The following CNNM2 variants were observed in gnomAD, a reference collection of about 807,000 sequenced individuals.
CNNM2 encodes the protein cyclin and CBS domain divalent metal cation transport mediator 2, also known as metal transporter CNNM2.
Under a neutral mutation model 66.9 loss-of-function variants are expected in CNNM2, and 12 were observed. That is an observed-to-expected ratio of 0.18 (90% confidence interval 0.11 to 0.29). The LOEUF is 0.29. CNNM2 is among the 10% of genes least tolerant of loss of function. CNNM2 has a pLI of 1.00. For synonymous variants in CNNM2, 557 were observed against 501.8 expected, an observed-to-expected ratio of 1.11 and a Z score of -1.47; for missense variants, 705 against 1,167.7, an observed-to-expected ratio of 0.60 and a Z score of 5.77.
intron 1 of CNNM2, among the ~76,000 whole-genome samples, chr10:103,018,831 G>C (rs927948776): frequency 6.7e-6 from 1 of 150,258 alleles, no homozygotes; most frequent in Admixed American, 6.7e-5. Context: ...CCTAATTTTT[G>C]TATTTTTAGT....
Position 103,089,608 on chromosome 10 carries a change from C to T in CNNM2, c.*12428C>T, listed in dbSNP as rs936984586. ...CCGAGTAGAACCCTAACAGGGACCT[C>T]GTTTGTTCCTGTGAGTCCTGCCAGG... On this transcript the variant is annotated 3_prime_UTR_variant, in exon 8 of 8. Coordinates refer to ENST00000369878, the MANE Select transcript of CNNM2 (RefSeq NM_017649.5). 4.0e-6 allele frequency: 6 copies of T among 1,493,834 alleles called. No individual in the cohort carries two copies. Among genetic ancestry groups the T allele is most frequent in the African/African-American group, 2.8e-5 (2 of 71,336 alleles). The allele number at this position is 1,493,834 out of a possible 1,614,324, so 92.5% of individuals were successfully genotyped here. A position where few individuals can be genotyped will look rare whatever the true frequency, so the allele number is the denominator to read the frequency against.
chr10:103,080,279 G>C lies in CNNM2; in HGVS notation c.*3099G>C, dbSNP rs1456626016. ...CGGTTCCTCTGAAACTAAATCCCTA[G>C]CATCCAGATAGTCCTGGGACACTCT... On this transcript the variant is annotated 3_prime_UTR_variant, in exon 8 of 8. Coordinates refer to ENST00000369878, the MANE Select transcript of CNNM2 (RefSeq NM_017649.5). The C allele has an allele frequency of 6.6e-6, 1 of 152,170 alleles. No individual in the cohort carries two copies. Among genetic ancestry groups the C allele is most frequent in the African/African-American group, 2.4e-5 (1 of 41,430 alleles). 9.4% of individuals were successfully genotyped at this position (152,170 alleles called of 1,614,324 possible).
chr10:102,983,090 A>T (rs1056276887), intron 1 of CNNM2, among the ~76,000 whole-genome samples: 1 of 151,936 alleles, frequency 6.6e-6, no homozygotes, highest in Non-Finnish European at 1.5e-5. Context: ...TTCAACTTTG[A>T]TATTGATTTT....
rs532702273 is a variant in CNNM2, at chr10:103,082,714, C to CA, written c.*5535dup. ...GCTTTTATGTTGGCCCTAGCATCCC[C>CA]AGCCCCTTTAGTTGGGCCCACCTGT... On this transcript the variant is annotated 3_prime_UTR_variant, in exon 8 of 8. Transcript: ENST00000369878. The CA allele has an allele frequency of 3.9e-5, 6 of 152,332 alleles. No homozygotes were observed. The South Asian group carries it at 1.2e-3, about 32-fold the overall frequency. 9.4% of individuals were successfully genotyped at this position (152,332 alleles called of 1,614,324 possible).
intron 1 of CNNM2, among the ~76,000 whole-genome samples, chr10:102,979,776 T>C (rs1043981288): frequency 1.4e-4 from 15 of 108,198 alleles, no homozygotes; most frequent in African/African-American, 6.3e-4. Flanking sequence ...GGTTAAAAAT[T>C]GATAAAAATT....
chr10:103,073,170 C>G (rs922811602), intron 6 of CNNM2, among the ~76,000 whole-genome samples: 2 of 152,186 alleles, frequency 1.3e-5, no homozygotes, highest in Non-Finnish European at 2.9e-5. Context: ...GGCCAGGCAT[C>G]AGGCTCTTGG....
chr10:103,051,047 A>G (rs2065204693), intron 2 of CNNM2, among the ~76,000 whole-genome samples: 1 of 152,160 alleles, frequency 6.6e-6, no homozygotes, highest in South Asian at 2.1e-4. Flanking sequence ...GTTTTAAAGC[A>G]TGGCTTGGCG....
Position 103,086,432 on chromosome 10 carries a change from T to TTCC in CNNM2, c.*9254_*9256dup, listed in dbSNP as rs1419313665. On this transcript the variant is annotated 3_prime_UTR_variant, in exon 8 of 8. Transcript: ENST00000369878. ...TCCATAACATGGAATGTGGGTAAGG[T>TTCC]TCCTACCCTAATACAGACTTAAATA... The TTCC allele has an allele frequency of 6.7e-6, 1 of 149,356 alleles. No homozygotes were observed. The highest frequency in any genetic ancestry group is 2.0e-4 in the East Asian group (1 of 5,016). The allele number at this position is 149,356 out of a possible 1,614,324, so 9.3% of individuals were successfully genotyped here. A position where few individuals can be genotyped will look rare whatever the true frequency, so the allele number is the denominator to read the frequency against.
intron 1 of CNNM2, among the ~76,000 whole-genome samples, chr10:103,031,651 G>C (rs1165583249): frequency 6.6e-6 from 1 of 152,180 alleles, no homozygotes; most frequent in Non-Finnish European, 1.5e-5. Context: ...CTTGCATGCA[G>C]GGAAGTTTAT....
In CNNM2 at chr10:103,020,043, T is replaced by A. The variant is rs962062777; in HGVS notation, c.1622-29664T>A. ...ATGTGTTACTCGTGTGGTTTTTTTCTTAAGTTATTAGTATGTCAGTGAGTT... is the reference window on the plus strand; with the variant it reads ...ATGTGTTACTCGTGTGGTTTTTTTCATAAGTTATTAGTATGTCAGTGAGTT... On this transcript the variant is annotated intron_variant, in intron 1 of 7. Transcript: ENST00000369878. Among the ~76,000 whole-genome samples, 5 of 152,228 alleles carry A rather than the reference T, an allele frequency of 3.3e-5. No individual in the cohort carries two copies. The East Asian group carries it at 5.8e-4, about 18-fold the overall frequency.
chr10:102,958,999 G>A (rs1323844794), intron 1 of CNNM2, among the ~76,000 whole-genome samples: 3 of 152,088 alleles, frequency 2.0e-5, no homozygotes, highest in Non-Finnish European at 4.4e-5. Context: ...CCAGGCTGGA[G>A]TTAAGTGGCA....
chr10:102,963,175 A>G (rs1416180764), intron 1 of CNNM2, among the ~76,000 whole-genome samples: 3 of 152,210 alleles, frequency 2.0e-5, no homozygotes, highest in Non-Finnish European at 4.4e-5. Flanking sequence ...GCAGTACTTA[A>G]TAAGTGATAT....
Position 102,999,653 on chromosome 10 carries a change from C to G in CNNM2, c.1622-50054C>G, listed in dbSNP as rs537961136. Among the ~76,000 whole-genome samples, 4 of 152,202 alleles carry G rather than the reference C, an allele frequency of 2.6e-5. No homozygotes were observed. The South Asian group carries it at 8.3e-4, about 32-fold the overall frequency. ...TATCAAAATCCAGGCTGCCCTTCCC[C>G]CCCCACCTCTCCGCACCAGAGGTTG... On this transcript the variant is annotated intron_variant, in intron 1 of 7. Coordinates refer to ENST00000369878, the MANE Select transcript of CNNM2 (RefSeq NM_017649.5).
At position 103,077,817 on chromosome 10, in the gene CNNM2, G is replaced by GTA. The variant is rs1214154705; in HGVS notation, c.*639_*640dup. 6.5e-6 allele frequency: 1 copy of GTA among 152,704 alleles called. No individual in the cohort carries two copies. Among genetic ancestry groups the GTA allele is most frequent in the Non-Finnish European group, 1.5e-5 (1 of 68,092 alleles). 9.5% of individuals were successfully genotyped at this position (152,704 alleles called of 1,614,324 possible). On this transcript the variant is annotated 3_prime_UTR_variant, in exon 8 of 8. Transcript: ENST00000369878. ...TGCAATCACCTCTCTGAGCTCAGTGGTATTTTGAGAATTTAATGTTTAACT... is the reference window on the plus strand; with the variant it reads ...TGCAATCACCTCTCTGAGCTCAGTGGTATATTTTGAGAATTTAATGTTTAACT...
intron 1 of CNNM2, among the ~76,000 whole-genome samples, chr10:102,945,397 A>G (rs1041242830): frequency 8.5e-5 from 13 of 152,280 alleles, no homozygotes; most frequent in African/African-American, 3.1e-4. Context: ...ACCCCTAACC[A>G]ATAAGACAAA....
chr10:103,014,290 G>A, intron 1 of CNNM2, among the ~76,000 whole-genome samples: 1 of 152,226 alleles, frequency 6.6e-6, no homozygotes, highest in East Asian at 1.9e-4. Context: ...GGTGGTATCA[G>A]TGATACTAAC....
intron 1 of CNNM2, among the ~76,000 whole-genome samples, chr10:102,976,517 C>A (rs1396509932): frequency 2.3e-5 from 3 of 130,806 alleles, no homozygotes; most frequent in African/African-American, 8.7e-5. Flanking sequence ...TAGATTGCAG[C>A]TTACTGCAAC....
chr10:103,037,351 C>T (rs2064960468), intron 1 of CNNM2, among the ~76,000 whole-genome samples: 1 of 151,398 alleles, frequency 6.6e-6, no homozygotes, highest in Admixed American at 6.6e-5. Context: ...CACTTTTGGG[C>T]TCAATCATCT....
At chr10:102,941,097 A>T (rs1590282144) in intron 1 of CNNM2, among the ~76,000 whole-genome samples, 1 of 152,150 alleles carries the variant, frequency 6.6e-6, no homozygotes, top group East Asian at 1.9e-4. Flanking sequence ...TTAATGCATG[A>T]ATCAGTCTAT....
Sources: gnomAD v4.1 joint callset for allele counts (sites outside exome capture counted in the v4.1 genomes callset) on GRCh38, gnomAD v4.1.1 for gene constraint, MANE v1.5 for transcripts, NCBI Gene and HGNC (gene_info 2026-07-23, HGNC 2026-07-21) for gene names.